The following SEMA3C variants were observed in gnomAD, a reference collection of about 807,000 sequenced individuals.
SEMA3C encodes the protein semaphorin 3C.
In SEMA3C, 47 loss-of-function variants were observed where a neutral mutation model predicts 89.4. The observed-to-expected ratio is 0.53, with a 90% CI of 0.42 to 0.67. The LOEUF is 0.67. Among genes scored for constraint, SEMA3C ranks in the 30% least tolerant of loss-of-function variants. SEMA3C has a pLI of 0.00. For missense variants in SEMA3C, 839 were observed against 929.1 expected (o/e 0.90, Z 1.26); for synonymous variants, 310 against 320.2 (o/e 0.97, Z 0.34).
At chr7:80,823,248 C>T (rs1320939390) in intron 4 of SEMA3C, among the ~76,000 whole-genome samples, 15 of 152,136 alleles carry the variant, frequency 9.9e-5, no homozygotes, top group Non-Finnish European at 2.1e-4. Flanking sequence ...CAAATATTAA[C>T]TCATCAATCC....
chr7:80,919,433 G>C, upstream of SEMA3C: 1 of 945,218 alleles, frequency 1.1e-6, no homozygotes, highest in African/African-American at 1.8e-5. Context: ...GGCTTTGCCT[G>C]GCCGTAAATA....
At chr7:80,753,374 T>C (rs1787982194) in intron 15 of SEMA3C, among the ~76,000 whole-genome samples, 1 of 152,218 alleles carries the variant, frequency 6.6e-6, no homozygotes, top group Admixed American at 6.5e-5. Context: ...TTTTCAGCCA[T>C]CTAGGCAAGC....
At chr7:80,836,679 A>AAAACAAAC (rs201820910) in intron 2 of SEMA3C, among the ~76,000 whole-genome samples, 3,697 of 150,956 alleles carry the variant, frequency 0.024, 55 homozygotes, top group African/African-American at 0.036. Flanking sequence ...CTCCATCTCA[A>AAAACAAAC]AAACAAACAA....
intron 2 of SEMA3C, among the ~76,000 whole-genome samples, chr7:80,829,074 G>A (rs1478388243): frequency 6.6e-6 from 1 of 151,980 alleles, no homozygotes; most frequent in African/African-American, 2.4e-5. Context: ...GGCTGAGGTG[G>A]GAGGATCTCT....
intron 2 of SEMA3C, among the ~76,000 whole-genome samples, chr7:80,911,610 T>C (rs149000731): frequency 7.3e-5 from 11 of 151,508 alleles, no homozygotes; most frequent in African/African-American, 2.7e-4. Context: ...ATTCATAGAA[T>C]AGGACCTTTT....
At chr7:80,815,630 C>T (rs1789589101) in intron 5 of SEMA3C, among the ~76,000 whole-genome samples, 1 of 140,290 alleles carries the variant, frequency 7.1e-6, no homozygotes, top group South Asian at 2.3e-4. Flanking sequence ...GGTTATTTAT[C>T]AAAGAACTTA....
intron 12 of SEMA3C, among the ~76,000 whole-genome samples, chr7:80,774,053 T>C (rs1788492808): frequency 6.6e-6 from 1 of 152,180 alleles, no homozygotes; most frequent in African/African-American, 2.4e-5. Context: ...TTAGGCCTGC[T>C]CTAACAAAAC....
At chr7:80,840,046 C>T (rs1790225908) in intron 2 of SEMA3C, among the ~76,000 whole-genome samples, 1 of 151,730 alleles carries the variant, frequency 6.6e-6, no homozygotes, top group African/African-American at 2.4e-5. Context: ...GTCTCTTGTC[C>T]CTCTCACCCT....
chr7:80,781,471 T>C lies in SEMA3C; in HGVS notation c.1354+7835A>G, dbSNP rs373248519. Among the ~76,000 whole-genome samples the C allele has an allele frequency of 6.6e-5, 10 of 152,336 alleles. No homozygotes were observed. The East Asian group carries it at 1.5e-3, about 23-fold the overall frequency. On this transcript the variant is annotated intron_variant, in intron 12 of 17. Transcript: ENST00000265361. ...ATATTTCGCATTCTATAATGAAACA[T>C]TTCCTTCTATTTTCTAGAATTTGAA...
intron 2 of SEMA3C, among the ~76,000 whole-genome samples, chr7:80,882,046 G>A (rs1356880401): frequency 2.0e-5 from 3 of 152,064 alleles, no homozygotes; most frequent in East Asian, 1.9e-4. Flanking sequence ...AAGTATTTGC[G>A]CACACAAGAA....
At chr7:80,819,704 T>G (rs1789698864) in intron 4 of SEMA3C, among the ~76,000 whole-genome samples, 1 of 152,194 alleles carries the variant, frequency 6.6e-6, no homozygotes, top group Admixed American at 6.5e-5. Context: ...AGGCTGTCAT[T>G]TATTCACCCA....
At chr7:80,822,094 T>G (rs1433505678) in intron 4 of SEMA3C, among the ~76,000 whole-genome samples, 1 of 152,196 alleles carries the variant, frequency 6.6e-6, no homozygotes, top group South Asian at 2.1e-4. Context: ...CCTGCAAATA[T>G]GTGCTGAAGT....
At chr7:80,772,601 AC>A (rs1247849521) in intron 12 of SEMA3C, among the ~76,000 whole-genome samples, 2 of 152,180 alleles carry the variant, frequency 1.3e-5, no homozygotes, top group Non-Finnish European at 2.9e-5. Context: ...GGCTGTCTCA[AC>A]AAAAGCCATC....
intron 2 of SEMA3C, among the ~76,000 whole-genome samples, chr7:80,853,999 A>G (rs183068723): frequency 1.3e-4 from 20 of 151,204 alleles, no homozygotes; most frequent in Admixed American, 7.2e-4. Flanking sequence ...CATTTCACAG[A>G]AAAAAAAAGA....
chr7:80,847,603 A>T (rs1049815036), intron 2 of SEMA3C, among the ~76,000 whole-genome samples: 1 of 152,078 alleles, frequency 6.6e-6, no homozygotes, highest in Non-Finnish European at 1.5e-5. Context: ...CCCTTTCCAA[A>T]CGTAACAAAC....
At chr7:80,870,493 A>G (rs1791030342) in intron 2 of SEMA3C, among the ~76,000 whole-genome samples, 1 of 152,224 alleles carries the variant, frequency 6.6e-6, no homozygotes, top group Non-Finnish European at 1.5e-5. Context: ...TGCAAAGCGA[A>G]TCCTCCTTGA....
chr7:80,763,263 A>G (rs1024939506), intron 13 of SEMA3C, among the ~76,000 whole-genome samples: 4 of 152,190 alleles, frequency 2.6e-5, no homozygotes, highest in African/African-American at 9.7e-5. Context: ...CTTAGCTAAG[A>G]AAACTTTTCA....
chr7:80,847,857 C>T (rs902149647), intron 2 of SEMA3C, among the ~76,000 whole-genome samples: 5 of 152,162 alleles, frequency 3.3e-5, no homozygotes, highest in African/African-American at 4.8e-5. Flanking sequence ...GGCAGATCAT[C>T]TCATTCAGCC....
At position 80,836,535 on chromosome 7, in the gene SEMA3C, G is replaced by A. The variant is rs567405480; in HGVS notation, c.104-7790C>T. ...TCTACCAAAAATACAAAAATTAGCC[G>A]GGCATGGTGGCAGGCATCTGTAATC... On this transcript the variant is annotated intron_variant, in intron 2 of 17. Transcript: ENST00000265361. 3.3e-5 allele frequency among the ~76,000 whole-genome samples: 5 copies of A among 152,096 alleles called. No individual in the cohort carries two copies. In the East Asian group the frequency reaches 5.8e-4, roughly 18 times the overall value.
Sources: allele counts gnomAD v4.1 joint callset (sites outside exome capture counted in the v4.1 genomes callset), GRCh38; gene constraint gnomAD v4.1.1; transcripts MANE v1.5; gene names NCBI Gene and HGNC (gene_info 2026-07-23, HGNC 2026-07-21).